Variants in XXYLT1 observed in about 807,000 individuals in gnomAD.
XXYLT1 encodes the protein UDP-xylose:alpha-xyloside alpha-1,3-xylosyltransferase.
Under a neutral mutation model 28.9 loss-of-function variants are expected in XXYLT1, and 20 were observed. The observed-to-expected ratio is 0.69, with a 90% CI of 0.49 to 1.00. The LOEUF is 1.00. XXYLT1 is among the 50% of genes least tolerant of loss of function. XXYLT1 has a pLI of 0.00. For synonymous variants in XXYLT1, 257 were observed against 253.8 expected (o/e 1.01, Z -0.12); for missense variants, 542 against 560.1 (o/e 0.97, Z 0.33).
At chr3:195,140,680 A>C (rs1719439235) in intron 3 of XXYLT1, among the ~76,000 whole-genome samples, 1 of 152,020 alleles carries the variant, frequency 6.6e-6, no homozygotes, top group Admixed American at 6.5e-5. Context: ...CAAAAGAGAG[A>C]GAGCACAAGA....
In XXYLT1 at chr3:195,240,837, G is replaced by A. The variant is rs192181265; in HGVS notation, c.505-13981C>T. Among the ~76,000 whole-genome samples, 216 of 152,318 alleles carry A rather than the reference G, an allele frequency of 1.4e-3. 2 individuals carry two copies. Among genetic ancestry groups the A allele is most frequent in the Middle Eastern group, 0.01 (3 of 294 alleles). On this transcript the variant is annotated intron_variant, in intron 1 of 3. Coordinates refer to ENST00000310380, the MANE Select transcript of XXYLT1 (RefSeq NM_152531.5). The surrounding 1 kb of genome is among the most constrained non-coding windows in gnomAD (Gnocchi z 4.7). ...ATAAACTGGGGGACTGAGGCAGGAGGATCGCTTGAACCTGGGAGGCGGAGG... is the reference window on the plus strand; with the variant it reads ...ATAAACTGGGGGACTGAGGCAGGAGAATCGCTTGAACCTGGGAGGCGGAGG...
chr3:195,148,458 A>T (rs1039044156), intron 3 of XXYLT1, among the ~76,000 whole-genome samples: 5 of 151,726 alleles, frequency 3.3e-5, no homozygotes, highest in Non-Finnish European at 4.4e-5. Flanking sequence ...TTTTTTTTTT[A>T]AACACGAGAA....
At chr3:195,252,766 G>T (rs1056674671) in intron 1 of XXYLT1, among the ~76,000 whole-genome samples, 2 of 146,968 alleles carry the variant, frequency 1.4e-5, no homozygotes, top group Non-Finnish European at 1.5e-5. Context: ...ATTCACTGTG[G>T]TGTTATTTAT....
chr3:195,074,054 C>T (rs1714978668), intron 3 of XXYLT1, among the ~76,000 whole-genome samples: 1 of 152,188 alleles, frequency 6.6e-6, no homozygotes, highest in Non-Finnish European at 1.5e-5. Context: ...CCACTCCAAA[C>T]CACAGGCCCT....
chr3:195,088,134 G>A (rs938328384), intron 3 of XXYLT1, among the ~76,000 whole-genome samples: 1 of 150,612 alleles, frequency 6.6e-6, no homozygotes, highest in Non-Finnish European at 1.5e-5. Context: ...GCCCAGGCTT[G>A]ATTAGGTAAA....
chr3:195,214,784 CT>C (rs1723488400), intron 2 of XXYLT1: 1 of 152,228 alleles, frequency 6.6e-6, no homozygotes, highest in Non-Finnish European at 1.5e-5. Context: ...ACATTGATTA[CT>C]GGTGCTCGCT....
chr3:195,091,400 C>T (rs1263736817), intron 3 of XXYLT1, among the ~76,000 whole-genome samples: 1 of 108,248 alleles, frequency 9.2e-6, no homozygotes, highest in Non-Finnish European at 1.7e-5. Context: ...TGTAATCCAG[C>T]AGGTAAACAG....
intron 3 of XXYLT1, among the ~76,000 whole-genome samples, chr3:195,074,492 A>C (rs1346447563): frequency 2.0e-5 from 3 of 152,144 alleles, no homozygotes; most frequent in Non-Finnish European, 1.5e-5. Flanking sequence ...TTTGGCGTGG[A>C]AGGGACCTTG....
At chr3:195,204,470 TCTCTCA>T (rs1281126043) in intron 2 of XXYLT1, among the ~76,000 whole-genome samples, 28 of 139,478 alleles carry the variant, frequency 2.0e-4, no homozygotes, top group South Asian at 1.2e-3. Flanking sequence ...ACACACTCAC[TCTCTCA>T]CTCTCTCTCT....
At position 195,245,183 on chromosome 3, in the gene XXYLT1, C is replaced by T. The variant is rs189963086; in HGVS notation, c.505-18327G>A. Among the ~76,000 whole-genome samples, 1,275 of 139,256 alleles carry T rather than the reference C, an allele frequency of 9.2e-3. 12 individuals carry two copies. Among genetic ancestry groups the T allele is most frequent in the African/African-American group, 0.024 (892 of 37,004 alleles). 91.4% of individuals were successfully genotyped at this position (139,256 alleles called of 152,430 possible). On this transcript the variant is annotated intron_variant, in intron 1 of 3. Coordinates refer to ENST00000310380, the MANE Select transcript of XXYLT1 (RefSeq NM_152531.5). ...AATTTTTTTTTTTTTTTTTTTGAGA[C>T]GGAGTCTCGCTCTGTCACCCAGGCT...
chr3:195,083,637 A>AT (rs1199432933), intron 3 of XXYLT1, among the ~76,000 whole-genome samples: 1 of 152,236 alleles, frequency 6.6e-6, no homozygotes, highest in African/African-American at 2.4e-5. Flanking sequence ...CACAGGAATC[A>AT]TTACCCAGCT....
intron 3 of XXYLT1, among the ~76,000 whole-genome samples, chr3:195,097,878 T>C (rs1716538799): frequency 6.9e-6 from 1 of 144,742 alleles, no homozygotes. Context: ...TCAAACCAAA[T>C]GTCTGGACAA....
chr3:195,103,050 C>T (rs1464811271), intron 3 of XXYLT1, among the ~76,000 whole-genome samples: 1 of 152,150 alleles, frequency 6.6e-6, no homozygotes, highest in African/African-American at 2.4e-5. Context: ...TCTGATTTTG[C>T]CAGATTTTTA....
intron 2 of XXYLT1, among the ~76,000 whole-genome samples, chr3:195,221,655 C>T (rs987716517): frequency 8.5e-5 from 13 of 152,204 alleles, no homozygotes; most frequent in East Asian, 1.9e-4. Context: ...GAGCCAGCAG[C>T]GCCTCAGGCC....
rs1187901284 is a variant in XXYLT1, at chr3:195,257,647, C to CCCTGTGGCT, written c.504+12899_504+12907dup. Among the ~76,000 whole-genome samples, 10 of 152,112 alleles carry CCCTGTGGCT rather than the reference C, an allele frequency of 6.6e-5. No homozygotes were observed. Among genetic ancestry groups the CCCTGTGGCT allele is most frequent in the African/African-American group, 2.4e-5 (1 of 41,410 alleles). Reference sequence around the variant, plus strand: ...GGGCCGGCACGGGCCCCGTAGCTCTCCCTGTGGCTCCCGCTCCAGAGTCCT... The same window carrying CCCTGTGGCT: ...GGGCCGGCACGGGCCCCGTAGCTCTCCCTGTGGCTCCTGTGGCTCCCGCTCCAGAGTCCT... On this transcript the variant is annotated intron_variant, in intron 1 of 3. Coordinates refer to ENST00000310380, the MANE Select transcript of XXYLT1 (RefSeq NM_152531.5). This position sits in a 1 kb window ranked among gnomAD's most constrained non-coding sequence, Gnocchi z 4.3.
chr3:195,158,578 T>G (rs1720719143), intron 2 of XXYLT1, among the ~76,000 whole-genome samples: 1 of 152,234 alleles, frequency 6.6e-6, no homozygotes, highest in African/African-American at 2.4e-5. Context: ...AGGAAGGGTT[T>G]GCTTAAAGTT....
At chr3:195,149,682 A>G (rs1216881927) in intron 3 of XXYLT1, among the ~76,000 whole-genome samples, 3 of 152,108 alleles carry the variant, frequency 2.0e-5, no homozygotes, top group Non-Finnish European at 4.4e-5. Flanking sequence ...CTGGTTTCCA[A>G]TATTCTCTGG....
intron 2 of XXYLT1, among the ~76,000 whole-genome samples, chr3:195,196,663 T>C (rs2108758488): frequency 6.6e-6 from 1 of 152,278 alleles, no homozygotes; most frequent in East Asian, 1.9e-4. Context: ...AAAAATAACC[T>C]GCCTGGAATT....
intron 1 of XXYLT1, among the ~76,000 whole-genome samples, chr3:195,250,696 T>C (rs184999007): frequency 6.6e-6 from 1 of 152,220 alleles, no homozygotes; most frequent in Admixed American, 6.5e-5. Flanking sequence ...AACAAAGAAA[T>C]GAAACCTAAC....
Sources: allele counts gnomAD v4.1 joint callset (sites outside exome capture counted in the v4.1 genomes callset), GRCh38; gene constraint gnomAD v4.1.1; non-coding constraint Gnocchi (gnomAD v3.1); transcripts MANE v1.5; gene names NCBI Gene and HGNC (gene_info 2026-07-23, HGNC 2026-07-21).